The following PLA2R1 variants were observed in gnomAD, a reference collection of about 807,000 sequenced individuals.
PLA2R1 encodes the protein phospholipase A2 receptor 1.
PLA2R1 carries 158 observed loss-of-function variants against 195.9 expected under a neutral mutation model. The ratio of observed to expected loss-of-function variants is 0.81; its 90% CI spans 0.71 to 0.92. PLA2R1 has a LOEUF of 0.92. Ranked by LOEUF, PLA2R1 falls within the 40% of genes least tolerant of loss-of-function variation. The pLI is 0.00. For missense variants in PLA2R1, 1,626 were observed against 1,764.6 expected (o/e 0.92, Z 1.41); for synonymous variants, 586 against 598.2 (o/e 0.98, Z 0.30).
intron 4 of PLA2R1, among the ~76,000 whole-genome samples, chr2:160,031,589 A>G (rs951182158): frequency 7.9e-5 from 12 of 152,156 alleles, no homozygotes; most frequent in African/African-American, 2.9e-4. Flanking sequence ...TAGAAGGGGA[A>G]ATTGAGGCAC....
At chr2:159,969,408 A>T in intron 18 of PLA2R1, 49 bp from the exon 19 acceptor site, 1 of 942,866 alleles carries the variant, frequency 1.1e-6, no homozygotes. Flanking sequence ...CTGCATGTCC[A>T]GTCTCCAACA....
chr2:160,027,313 A>T (rs3792187), intron 6 of PLA2R1, among the ~76,000 whole-genome samples: 14,589 of 152,198 alleles, frequency 0.096, 1,047 homozygotes, highest in Admixed American at 0.26. Context: ...AAAAAATGAA[A>T]AGAGAAGGAA....
chr2:159,944,711 AT>A (rs1481646853), intron 28 of PLA2R1, among the ~76,000 whole-genome samples, 194 bp downstream of exon 28: 1 of 151,962 alleles, frequency 6.6e-6, no homozygotes, highest in African/African-American at 2.4e-5. Flanking sequence ...ACTTATAATG[AT>A]TTTTTTTCTC....
chr2:159,946,767 T>C (rs1338183743), intron 27 of PLA2R1, 34 bp downstream of exon 27: 2 of 1,562,126 alleles, frequency 1.3e-6, no homozygotes, highest in African/African-American at 1.4e-5. Context: ...ACCATGTATT[T>C]ATTTATGTCC....
chr2:159,987,393 C>T (rs369875950), intron 11 of PLA2R1, 35 bp from the exon 12 acceptor site: 98 of 1,477,552 alleles, frequency 6.6e-5, no homozygotes, highest in Admixed American at 2.8e-4. Context: ...TAATACCAGA[C>T]GACTAAAACG....
downstream of PLA2R1, among the ~76,000 whole-genome samples, chr2:159,927,987 A>G (rs912394034): frequency 1.3e-5 from 2 of 152,214 alleles, no homozygotes; most frequent in Non-Finnish European, 2.9e-5. Context: ...ACTACCATGT[A>G]ATAAGAGAGA....
chr2:159,926,304 G>A, the PLA2R1 span, among the ~76,000 whole-genome samples: 4 of 152,286 alleles, frequency 2.6e-5, no homozygotes, highest in African/African-American at 4.8e-5. Context: ...TTGGAAAGGC[G>A]ATAAATGACT....
rs1012175498 is a variant in PLA2R1, at chr2:159,937,936, A to G, written c.*3842T>C. The G allele has an allele frequency of 1.3e-5, 2 of 152,218 alleles. No individual in the cohort carries two copies. Among genetic ancestry groups the G allele is most frequent in the African/African-American group, 4.8e-5 (2 of 41,454 alleles). 9.4% of individuals were successfully genotyped at this position (152,218 alleles called of 1,614,324 possible). ...CTTTGGAGCCATGGAGGATTTTCCC[A>G]TAGTAAGATCTGAAATGAAAGCCAT... On this transcript the variant is annotated 3_prime_UTR_variant, in exon 30 of 30. Coordinates refer to ENST00000283243, the MANE Select transcript of PLA2R1 (RefSeq NM_007366.5).
chr2:160,062,288 G>A lies in PLA2R1; in HGVS notation c.109+7C>T. 2 of 1,474,146 alleles carry A rather than the reference G, an allele frequency of 1.4e-6. No individual in the cohort carries two copies. Among genetic ancestry groups the A allele is most frequent in the Non-Finnish European group, 9.0e-7 (1 of 1,111,574 alleles). The allele number at this position is 1,474,146 out of a possible 1,614,324, so 91.3% of individuals were successfully genotyped here. On this transcript the variant is annotated splice_region_variant and intron_variant, in intron 1 of 29. Transcript: ENST00000283243. ...ACCGATCCAGTCCCCGACCCTGGGA[G>A]ACTCACCCTGCCACTCCAGGAGCCG...
rs1687036460 is a variant in PLA2R1 at position 159,940,479 on chromosome 2, C to T, written c.*1299G>A. 1 of 152,266 alleles carries T rather than the reference C, an allele frequency of 6.6e-6. No homozygotes were observed. The highest frequency in any genetic ancestry group is 6.5e-5 in the Admixed American group (1 of 15,282). The allele number at this position is 152,266 out of a possible 1,614,324, so 9.4% of individuals were successfully genotyped here. A position where few individuals can be genotyped will look rare whatever the true frequency, so the allele number is the denominator to read the frequency against. On this transcript the variant is annotated 3_prime_UTR_variant, in exon 30 of 30. Coordinates refer to ENST00000283243, the MANE Select transcript of PLA2R1 (RefSeq NM_007366.5). ...TGCAACCATAGCTCACTGCAGCCTT[C>T]AACTTCTGGGCTCAGTTGATCCTCT...
At position 160,028,978 on chromosome 2, in the gene PLA2R1, ATGGAGCTTC is replaced by A; in HGVS notation, c.842-24_842-16del. On this transcript the variant is annotated splice_polypyrimidine_tract_variant and intron_variant, in intron 4 of 29. Transcript: ENST00000283243. The stretch of plus-strand genomic sequence containing the variant: ...GCTCATGTGCTCTGAAATGAAAATT[ATGGAGCTTC>A]AAAAAAAAAATCCAGTGTTACACAT... 1 of 1,394,960 alleles carries A rather than the reference ATGGAGCTTC, an allele frequency of 7.2e-7. No individual in the cohort carries two copies. The allele number at this position is 1,394,960 out of a possible 1,614,324, so 86.4% of individuals were successfully genotyped here. A position where few individuals can be genotyped will look rare whatever the true frequency, so the allele number is the denominator to read the frequency against.
rs117439756 is a variant in PLA2R1, at chr2:160,020,733, T to C, written c.1295-470A>G. Reference sequence around the variant, plus strand: ...CCAGCAAGGAGATCCTCTCCAGATGTGGTCCTTTGACCTTGAACTTCCCAG... The same window carrying C: ...CCAGCAAGGAGATCCTCTCCAGATGCGGTCCTTTGACCTTGAACTTCCCAG... On this transcript the variant is annotated intron_variant, in intron 7 of 29. Coordinates refer to ENST00000283243, the MANE Select transcript of PLA2R1 (RefSeq NM_007366.5). 3.1e-3 allele frequency among the ~76,000 whole-genome samples: 469 copies of C among 152,306 alleles called. 13 individuals are homozygous for C. In the East Asian group the frequency reaches 0.083, roughly 27 times the overall value.
At chr2:160,044,302 G>T (rs975565188) in intron 2 of PLA2R1, among the ~76,000 whole-genome samples, 2 of 152,152 alleles carry the variant, frequency 1.3e-5, no homozygotes, top group African/African-American at 4.8e-5. Context: ...TTAATCACAT[G>T]AATGCCAGCC....
chr2:159,983,838 A>T, intron 13 of PLA2R1, 90 bp downstream of exon 13: 1 of 618,380 alleles, frequency 1.6e-6, no homozygotes, highest in Non-Finnish European at 2.7e-6. Flanking sequence ...TGGGAATTTT[A>T]AACAACTACT....
intron 17 of PLA2R1, 71 bp downstream of exon 17, chr2:159,975,997 C>A: frequency 1.0e-6 from 1 of 975,060 alleles, no homozygotes; most frequent in South Asian, 1.4e-5. Flanking sequence ...AAAAACTATC[C>A]CTCCCTCCCT....
intron 14 of PLA2R1, among the ~76,000 whole-genome samples, chr2:159,978,133 C>T (rs1331373107): frequency 1.3e-5 from 2 of 152,024 alleles, no homozygotes; most frequent in East Asian, 1.9e-4. Flanking sequence ...TTACTTTGAA[C>T]ATATGCTAAG....
intron 1 of PLA2R1, among the ~76,000 whole-genome samples, chr2:160,051,319 A>T (rs1342210118): frequency 6.6e-6 from 1 of 152,188 alleles, no homozygotes; most frequent in Non-Finnish European, 1.5e-5. Flanking sequence ...ACCCAATTTC[A>T]ATCTCCTACC....
rs183873210 is a variant in PLA2R1 at position 159,962,457 on chromosome 2, A to T, written c.2904+5082T>A. 1.1e-4 allele frequency among the ~76,000 whole-genome samples: 16 copies of T among 152,334 alleles called. 1 individual carries two copies. In the East Asian group the frequency reaches 2.9e-3, roughly 28 times the overall value. On this transcript the variant is annotated intron_variant, in intron 20 of 29. Coordinates refer to ENST00000283243, the MANE Select transcript of PLA2R1 (RefSeq NM_007366.5). ...GGTGGGAGTGTAAATTAGTTAAACC[A>T]TTGTGGAACACAGTGTGGTGATTCC...
intron 10 of PLA2R1, among the ~76,000 whole-genome samples, chr2:160,007,997 G>A (rs116040668): frequency 0.03 from 4,537 of 152,260 alleles, 245 homozygotes; most frequent in African/African-American, 0.1. Flanking sequence ...TTACTACAAA[G>A]CTACAGTAAT....
Sources: allele counts gnomAD v4.1 joint callset (sites outside exome capture counted in the v4.1 genomes callset), GRCh38; gene constraint gnomAD v4.1.1; transcripts MANE v1.5; gene names NCBI Gene and HGNC (gene_info 2026-07-23, HGNC 2026-07-21).